PER1: variants seen among roughly 807,000 people sequenced by gnomAD.
The protein encoded by PER1 is period circadian protein homolog 1.
In PER1, 87 loss-of-function variants were observed where a neutral mutation model predicts 125.9. The observed-to-expected ratio is 0.69, with a 90% CI of 0.58 to 0.83. The LOEUF (loss-of-function observed/expected upper bound fraction) is 0.83, where lower values mean the gene tolerates loss of function less well. Among genes scored for constraint, PER1 ranks in the 40% least tolerant of loss-of-function variants. The pLI, the probability that PER1 is intolerant of heterozygous loss-of-function variation, is 0.00. For synonymous variants in PER1, 801 were observed against 714.7 expected, an observed-to-expected ratio of 1.12 and a Z score of -1.93; for missense variants, 1,775 against 1,722.8, an observed-to-expected ratio of 1.03 and a Z score of -0.54.
At chr17:8,146,334 G>C (rs749987945) in intron 16 of PER1, 38 bp downstream of exon 16, 11 of 1,572,706 alleles carry the variant, frequency 7.0e-6, no homozygotes, top group Non-Finnish European at 7.8e-6. Context: ...CACCAGGCCA[G>C]GACGGGGCAG....
chr17:8,151,201 T>G (rs943493415), intron 1 of PER1, among the ~76,000 whole-genome samples: 4 of 152,214 alleles, frequency 2.6e-5, no homozygotes, highest in Admixed American at 2.6e-4. Context: ...GCTGGTCGCC[T>G]CCTATATTTA....
rs767269355 is a variant in PER1, at chr17:8,149,525, C to T, written c.790G>A (p.Gly264Arg). Residue 264 changes from glycine to arginine, a missense_variant, in exon 6 of 23, where the codon GGA becomes AGA. Coordinates refer to ENST00000317276, the MANE Select transcript of PER1 (RefSeq NM_002616.3). ...GGAGCAGTGGAACCATAGAAGACTC[C>T]CACATCCTGGGGAGCCAGGAGCTCA... is the stretch of plus-strand genomic sequence containing the variant. Reference protein sequence around the residue: ...FSELLAPQDVGVFYGSTAPSR... With the variant: ...FSELLAPQDVRVFYGSTAPSR... 30 of 1,613,782 alleles carry T rather than the reference C, an allele frequency of 1.9e-5. No homozygotes were observed. The highest frequency in any genetic ancestry group is 2.5e-5 in the Non-Finnish European group (30 of 1,179,992).
intron 19 of PER1, 110 bp downstream of exon 19, chr17:8,143,156 C>T: frequency 1.2e-6 from 1 of 825,160 alleles, no homozygotes; most frequent in Non-Finnish European, 1.8e-6. Flanking sequence ...ACTCCCTCCA[C>T]CTCCTGGAGG....
At chr17:8,144,629 A>G in intron 18 of PER1, 122 bp downstream of exon 18, 3 of 1,318,998 alleles carry the variant, frequency 2.3e-6, no homozygotes, top group Non-Finnish European at 3.2e-6. Context: ...GGCAGGGCCT[A>G]GTGGTGGAAG....
At chr17:8,142,126 AG>A (rs1982117351) in intron 21 of PER1, 142 bp downstream of exon 21, 1 of 1,106,018 alleles carries the variant, frequency 9.0e-7, no homozygotes, top group African/African-American at 1.6e-5. Context: ...TCCTCCTGGG[AG>A]GAACTAGTAA....
intron 11 of PER1, 30 bp downstream of exon 11, chr17:8,147,643 CA>C: frequency 6.2e-7 from 1 of 1,613,818 alleles, no homozygotes; most frequent in Non-Finnish European, 8.5e-7. Flanking sequence ...GCCCTATCCC[CA>C]ACGCCAGCTC....
Position 8,151,689 on chromosome 17 carries a change from G to A in PER1, c.-140+648C>T, listed in dbSNP as rs372587417. On this transcript the variant is annotated intron_variant, in intron 1 of 22. Transcript: ENST00000317276. ...CTGCTTCCCCACCACAAGGACCGAA[G>A]CCGGCAACCTGCCATCGTCAAGGAC... Among the ~76,000 whole-genome samples, 305 of 152,216 alleles carry A rather than the reference G, an allele frequency of 2.0e-3. 2 individuals are homozygous for A. The highest frequency in any genetic ancestry group is 3.4e-3 in the Admixed American group (52 of 15,296).
At chr17:8,149,183 C>G in intron 7 of PER1, 76 bp downstream of exon 7, 2 of 1,349,456 alleles carry the variant, frequency 1.5e-6, no homozygotes, top group Non-Finnish European at 2.1e-6. Flanking sequence ...AGTGAGACTC[C>G]CTTTCAAAAA....
chr17:8,144,041 G>A (rs1363561815), intron 18 of PER1, 165 bp from the exon 19 acceptor site: 2 of 1,104,448 alleles, frequency 1.8e-6, no homozygotes, highest in Non-Finnish European at 2.5e-6. Context: ...CACCTTCAGG[G>A]AAGAATCACA....
chr17:8,143,385 T>C lies in PER1; in HGVS notation c.2953A>G (p.Asn985Asp). The change falls in exon 19 of 23, where the codon AAT becomes GAT. Residue 985 changes from asparagine (N) to aspartate (D), a missense_variant. By Grantham distance (23) the Asn-to-Asp change is conservative. Transcript: ENST00000317276. ...GGGAGCTCCTCCAGCTGCAGCAGAT[T>C]GAGCTGGAGTGGAGAGCTGCATCTC... Reference protein sequence around the residue: ...NSRCSSPLQLNLLQLEELPRA... With the variant: ...NSRCSSPLQLDLLQLEELPRA... 6.2e-7 allele frequency: 1 copy of C among 1,613,278 alleles called. No individual in the cohort carries two copies. Among genetic ancestry groups the C allele is most frequent in the Non-Finnish European group, 8.5e-7 (1 of 1,179,664 alleles).
In PER1 at chr17:8,150,619, G is replaced by T; in HGVS notation, c.88C>A (p.Pro30Thr). Reference sequence around the variant, plus strand: ...CCTGGGCAAGGCCGGTGCTGTGGGGGCCCAGGGGATGGGACGCCCCCAGGA... The same window carrying T: ...CCTGGGCAAGGCCGGTGCTGTGGGGTCCCAGGGGATGGGACGCCCCCAGGA... ...FCPGGVPSPG[P>T]PQHRPCPGPS... Residue 30 changes from proline to threonine, a missense_variant, in exon 2 of 23, where the codon CCC becomes ACC. Physicochemically the swap from Pro to Thr is conservative, Grantham distance 38 (BLOSUM62 -1). Coordinates refer to ENST00000317276, the MANE Select transcript of PER1 (RefSeq NM_002616.3). 1 of 1,613,050 alleles carries T rather than the reference G, an allele frequency of 6.2e-7. No homozygotes were observed.
At chr17:8,145,517 T>C (rs1367880248) in intron 17 of PER1, among the ~76,000 whole-genome samples, 1 of 151,862 alleles carries the variant, frequency 6.6e-6, no homozygotes, top group African/African-American at 2.4e-5. Context: ...AGATACAGGG[T>C]TTCACCATGT....
In PER1 at chr17:8,147,527, G is replaced by C. The variant is rs769308478; in HGVS notation, c.1440C>G (p.Pro480=). ...GCTCCTGGATATCAGTGTCCAGGGA[G>C]GGAGCTGGGCTGGGGGCCGGGGGAG... ...VFTPPAPSPA[P]SLDTDIQELS... is the part of the protein sequence containing the mutation. The change falls in exon 12 of 23, where the codon CCC becomes CCG. Residue 480 remains proline, a synonymous_variant. Transcript: ENST00000317276. 1.9e-6 allele frequency: 3 copies of C among 1,613,906 alleles called. No homozygotes were observed. Among genetic ancestry groups the C allele is most frequent in the African/African-American group, 1.3e-5 (1 of 75,038 alleles).
chr17:8,142,089 A>G, intron 21 of PER1, 134 bp from the exon 22 acceptor site: 3 of 1,280,040 alleles, frequency 2.3e-6, no homozygotes, highest in Non-Finnish European at 3.3e-6. Context: ...TGCGAGGTCA[A>G]GGCTTCCAAG....
Position 8,147,998 on chromosome 17 carries a change from C to G in PER1, c.1233G>C (p.Lys411Asn). The change falls in exon 10 of 23, where the codon AAG (lysine) becomes AAC (asparagine). Residue 411 changes from lysine (K) to asparagine (N), a missense_variant and splice_region_variant. By Grantham distance (94) the Lys-to-Asn change is moderately conservative. Transcript: ENST00000317276. ...GCGAGCAGGGCGAGAGGAACTCACTCTTCTTGTGGATAGCCAGCATGAGGG... is the reference window on the plus strand; with the variant it reads ...GCGAGCAGGGCGAGAGGAACTCACTGTTCTTGTGGATAGCCAGCATGAGGG... ...DRPLMLAIHK[K>N]ILQLAGQPFD... 1 of 1,611,626 alleles carries G rather than the reference C, an allele frequency of 6.2e-7. No homozygotes were observed. The highest frequency in any genetic ancestry group is 8.5e-7 in the Non-Finnish European group (1 of 1,178,710).
rs376169574 is a variant in PER1 at position 8,150,733 on chromosome 17, G to A, written c.-27C>T. The A allele has an allele frequency of 4.7e-6, 7 of 1,504,808 alleles. No homozygotes were observed. The African/African-American group carries it at 7.0e-5, about 15-fold the overall frequency. The allele number at this position is 1,504,808 out of a possible 1,614,324, so 93.2% of individuals were successfully genotyped here. A position where few individuals can be genotyped will look rare whatever the true frequency, so the allele number is the denominator to read the frequency against. ...TCTGGGCCATGGGGAGAACAGAACA[G>A]AGAAGGCAGAGAGGCCACCACGGAT... is the stretch of plus-strand genomic sequence containing the variant. On this transcript the variant is annotated 5_prime_UTR_variant, in exon 2 of 23. Coordinates refer to ENST00000317276, the MANE Select transcript of PER1 (RefSeq NM_002616.3).
chr17:8,148,831 A>C, intron 7 of PER1, 45 bp from the exon 8 acceptor site: 1 of 1,604,400 alleles, frequency 6.2e-7, no homozygotes, highest in Non-Finnish European at 8.5e-7. Flanking sequence ...ACAGAGAGCC[A>C]CCCACTCCTC....
At chr17:8,145,154 G>A (rs1045318517) in intron 17 of PER1, 161 bp from the exon 18 acceptor site, 17 of 667,470 alleles carry the variant, frequency 2.5e-5, no homozygotes, top group Middle Eastern at 4.5e-4. Context: ...CTCTGCCAAC[G>A]GCTGGCCCTG....
chr17:8,143,746 G>C lies in PER1; in HGVS notation c.2592C>G (p.Pro864=). Residue 864 remains proline, a synonymous_variant, in exon 19 of 23, where the codon CCC becomes CCG. Transcript: ENST00000317276. Reference sequence around the variant, plus strand: ...CTGGTGGGGTGGGCCAGGGGGTGGAGGGTGGCACGGGTGAGGGGTGTGAGA... The same window carrying C: ...CTGGTGGGGTGGGCCAGGGGGTGGACGGTGGCACGGGTGAGGGGTGTGAGA... ...CYVSHPSPVP[P]STPWPTPPAT... 3 of 1,567,056 alleles carry C rather than the reference G, an allele frequency of 1.9e-6. No individual in the cohort carries two copies. Among genetic ancestry groups the C allele is most frequent in the Non-Finnish European group, 2.6e-6 (3 of 1,151,784 alleles).
Sources: allele counts gnomAD v4.1 joint callset (sites outside exome capture counted in the v4.1 genomes callset), GRCh38; gene constraint gnomAD v4.1.1; transcripts MANE v1.5; gene names NCBI Gene and HGNC (gene_info 2026-07-23, HGNC 2026-07-21).